The following DDX6 variants were observed in gnomAD, a reference collection of about 807,000 sequenced individuals.
DDX6 encodes DEAD-box helicase 6, also known as probable ATP-dependent RNA helicase DDX6.
In DDX6, 7 loss-of-function variants were observed where a neutral mutation model predicts 60.6. That is an observed-to-expected ratio of 0.12 (90% CI 0.07 to 0.22). The LOEUF (loss-of-function observed/expected upper bound fraction) is 0.22, where lower values mean the gene tolerates loss of function less well. Ranked by LOEUF, DDX6 falls within the 10% of genes least tolerant of loss-of-function variation. The probability of loss-of-function intolerance (pLI) is 1.00; values close to 1 mark genes in which losing one functional copy is unlikely to be tolerated. For synonymous variants in DDX6, 207 were observed against 201.0 expected (o/e 1.03, Z -0.25); for missense variants, 270 against 589.9 (o/e 0.46, Z 5.62).
intron 5 of DDX6, among the ~76,000 whole-genome samples, chr11:118,767,141 G>A (rs1861381194): frequency 6.6e-6 from 1 of 151,926 alleles, no homozygotes; most frequent in Non-Finnish European, 1.5e-5. Flanking sequence ...CCTTGCCTCG[G>A]CCTCCCGAAG....
At chr11:118,765,492 C>T in intron 5 of DDX6, 137 bp from the exon 6 acceptor site, 3 of 877,420 alleles carry the variant, frequency 3.4e-6, no homozygotes, top group South Asian at 3.1e-5. Flanking sequence ...TGTAACTGCA[C>T]CTTATGATGC....
At chr11:118,777,897 G>GAGA (rs1861754204) in intron 4 of DDX6, among the ~76,000 whole-genome samples, 1 of 99,650 alleles carries the variant, frequency 1.0e-5, no homozygotes, top group African/African-American at 4.0e-5. Flanking sequence ...TCAAAAAAGA[G>GAGA]AAAAAAAAAA....
In DDX6 at chr11:118,786,430, G is replaced by GT. The variant is rs374425501; in HGVS notation, c.-180dup. The GT allele has an allele frequency of 2.0e-3, 929 of 459,940 alleles. 32 individuals carry two copies. In the South Asian group the frequency reaches 0.05, roughly 25 times the overall value. The allele number at this position is 459,940 out of a possible 1,614,324, so 28.5% of individuals were successfully genotyped here. A position where few individuals can be genotyped will look rare whatever the true frequency, so the allele number is the denominator to read the frequency against. On this transcript the variant is annotated 5_prime_UTR_variant, in exon 2 of 14. Transcript: ENST00000534980. ...GTAAGTCTCTGAACGGTAAGCAGCAGTAACTTGCTCTCTTGCACGGAATCA... is the reference window on the plus strand; with the variant it reads ...GTAAGTCTCTGAACGGTAAGCAGCAGTTAACTTGCTCTCTTGCACGGAATCA...
intron 5 of DDX6, chr11:118,767,690 T>A (rs189340065): frequency 7.6e-6 from 1 of 132,076 alleles, no homozygotes; most frequent in African/African-American, 2.9e-5. Flanking sequence ...TGGAGTGCAG[T>A]GGCACAATCT....
intron 6 of DDX6, 96 bp downstream of exon 6, chr11:118,765,113 T>C (rs1311861709): frequency 6.9e-7 from 1 of 1,441,344 alleles, no homozygotes; most frequent in Non-Finnish European, 9.5e-7. Flanking sequence ...AGTATTTCTG[T>C]TCCTTAATTC....
Position 118,786,293 on chromosome 11 carries a change from GA to G in DDX6, c.-43del. 6.5e-7 allele frequency: 1 copy of G among 1,540,046 alleles called. No individual in the cohort carries two copies. The highest frequency in any genetic ancestry group is 8.8e-7 in the Non-Finnish European group (1 of 1,133,074). On this transcript the variant is annotated 5_prime_UTR_variant, in exon 2 of 14. Transcript: ENST00000534980. ...AGGTCTTTCAAACTTCAAAACTTTT[GA>G]AAGTCAGTAGAGAAACTGTAATAAC...
intron 3 of DDX6, 46 bp from the exon 4 acceptor site, chr11:118,779,782 G>A (rs373019597): frequency 2.7e-5 from 37 of 1,386,410 alleles, no homozygotes; most frequent in Non-Finnish European, 3.4e-5. Context: ...AACACTGTTG[G>A]TAAATTTGGT....
intron 3 of DDX6, 130 bp from the exon 4 acceptor site, chr11:118,779,866 A>G: frequency 1.6e-6 from 1 of 643,560 alleles, no homozygotes; most frequent in Admixed American, 3.0e-5. Flanking sequence ...CTGTAATCCC[A>G]GCACTTTGGG....
intron 2 of DDX6, among the ~76,000 whole-genome samples, chr11:118,785,563 G>A (rs764486418): frequency 5.2e-4 from 79 of 151,170 alleles, no homozygotes; most frequent in Non-Finnish European, 7.4e-4. Flanking sequence ...AAAAAGTTAC[G>A]AGAAAATTTT....
chr11:118,788,012 A>G (rs974644720), intron 1 of DDX6: 1 of 152,040 alleles, frequency 6.6e-6, no homozygotes, highest in Non-Finnish European at 1.5e-5. Context: ...GTTTAAAAAA[A>G]AAAAAAAGAA....
At chr11:118,784,331 T>A (rs1272888034) in intron 2 of DDX6, among the ~76,000 whole-genome samples, 1 of 152,172 alleles carries the variant, frequency 6.6e-6, no homozygotes, top group African/African-American at 2.4e-5. Flanking sequence ...GACAGTCTGG[T>A]AGCTTGTATA....
chr11:118,787,253 TGAGGTCAG>T (rs1365845830), intron 1 of DDX6: 1 of 152,182 alleles, frequency 6.6e-6, no homozygotes, highest in African/African-American at 2.4e-5. Flanking sequence ...AGGTGGATCA[TGAGGTCAG>T]GAGTTCAGGA....
At position 118,751,098 on chromosome 11, in the gene DDX6, AAAAACT is replaced by A. The variant is rs1455183228; in HGVS notation, c.*1001_*1006del. ...ATATATATATATATGAACCCAGAAA[AAAAACT>A]TATTTACAAAGTTATACAAGTATAC... On this transcript the variant is annotated 3_prime_UTR_variant, in exon 14 of 14. Transcript: ENST00000534980. The A allele has an allele frequency of 1.4e-4, 3 of 22,028 alleles. No homozygotes were observed. Among genetic ancestry groups the A allele is most frequent in the Non-Finnish European group, 1.7e-4 (2 of 11,752 alleles). The allele number at this position is 22,028 out of a possible 1,614,324, so 1.4% of individuals were successfully genotyped here. A position where few individuals can be genotyped will look rare whatever the true frequency, so the allele number is the denominator to read the frequency against.
intron 1 of DDX6, chr11:118,789,144 T>C (rs1411088733): frequency 6.8e-6 from 1 of 146,900 alleles, no homozygotes; most frequent in Non-Finnish European, 1.5e-5. Flanking sequence ...GGCACAATCT[T>C]GGCTCACTGC....
chr11:118,764,155 A>G (rs1402508249), intron 6 of DDX6, among the ~76,000 whole-genome samples: 2 of 152,138 alleles, frequency 1.3e-5, no homozygotes, highest in African/African-American at 2.4e-5. Flanking sequence ...ATCAAACAAG[A>G]TAATTTTTTA....
intron 4 of DDX6, among the ~76,000 whole-genome samples, chr11:118,773,983 C>T (rs1861619084): frequency 6.6e-6 from 1 of 152,086 alleles, no homozygotes; most frequent in Non-Finnish European, 1.5e-5. Context: ...ATTCAGAATG[C>T]TATAATTCCT....
chr11:118,751,738 G>A lies in DDX6; in HGVS notation c.*367C>T, dbSNP rs1860779365. ...TGAAATGCACGAGAGTCAGCTGTTG[G>A]AGAATTTTGAAATCATTGACAAGCT... On this transcript the variant is annotated 3_prime_UTR_variant, in exon 14 of 14. Transcript: ENST00000534980. The A allele has an allele frequency of 6.8e-6, 2 of 293,642 alleles. No homozygotes were observed. The highest frequency in any genetic ancestry group is 2.3e-5 in the African/African-American group (1 of 44,038). 18.2% of individuals were successfully genotyped at this position (293,642 alleles called of 1,614,324 possible). A position where few individuals can be genotyped will look rare whatever the true frequency, so the allele number is the denominator to read the frequency against.
chr11:118,772,735 A>C (rs1268350203), intron 4 of DDX6, among the ~76,000 whole-genome samples: 2 of 152,196 alleles, frequency 1.3e-5, no homozygotes, highest in African/African-American at 4.8e-5. Flanking sequence ...CTCCAAATTC[A>C]CATTCACTGT....
chr11:118,784,087 C>CAAAA (rs61356183), intron 2 of DDX6, among the ~76,000 whole-genome samples: 1 of 128,610 alleles, frequency 7.8e-6, no homozygotes, highest in Admixed American at 8.0e-5. Flanking sequence ...GACCCTGTCT[C>CAAAA]AAAAAAAAAA....
Sources: gnomAD v4.1 joint callset for allele counts (sites outside exome capture counted in the v4.1 genomes callset) on GRCh38, gnomAD v4.1.1 for gene constraint, MANE v1.5 for transcripts, NCBI Gene and HGNC (gene_info 2026-07-23, HGNC 2026-07-21) for gene names.